Variants in CDH13 observed in about 807,000 individuals in gnomAD.
CDH13 encodes the protein cadherin 13.
In CDH13, 24 loss-of-function variants were observed where a neutral mutation model predicts 63.8. The ratio of observed to expected loss-of-function variants is 0.38; its 90% CI spans 0.27 to 0.53. The LOEUF is 0.53. CDH13 is among the 20% of genes least tolerant of loss of function. The pLI is 0.85. For synonymous variants in CDH13, 503 were observed against 355.3 expected (o/e 1.42, Z -4.67); for missense variants, 1,049 against 903.1 (o/e 1.16, Z -2.07).
intron 6 of CDH13, among the ~76,000 whole-genome samples, chr16:83,435,113 C>G (rs2074936523): frequency 6.6e-6 from 1 of 151,622 alleles, no homozygotes; most frequent in Non-Finnish European, 1.5e-5. Flanking sequence ...ACGGCACAAT[C>G]TCGGCTTACT....
chr16:82,955,125 C>T (rs531420218), intron 2 of CDH13, among the ~76,000 whole-genome samples: 112 of 152,260 alleles, frequency 7.4e-4, no homozygotes, highest in Admixed American at 1.2e-3. Context: ...GGATATGCAC[C>T]TACCTAGGAT....
chr16:83,656,500 G>A (rs1322125755), intron 8 of CDH13, among the ~76,000 whole-genome samples: 1 of 152,140 alleles, frequency 6.6e-6, no homozygotes, highest in East Asian at 1.9e-4. Flanking sequence ...TCAGTAGAGA[G>A]GCAGGGCATG....
chr16:82,884,319 C>A, intron 2 of CDH13: 1 of 420,312 alleles, frequency 2.4e-6, no homozygotes, highest in Non-Finnish European at 4.7e-6. Flanking sequence ...AAGGAGGCAA[C>A]CTGGGGAGGG....
intron 8 of CDH13, among the ~76,000 whole-genome samples, chr16:83,625,743 G>GC (rs1161934153): frequency 1.3e-5 from 2 of 152,182 alleles, no homozygotes; most frequent in Non-Finnish European, 2.9e-5. Context: ...AGAAGGGGCA[G>GC]CCCCCACCCC....
At chr16:83,741,781 C>T (rs1043449063) in intron 10 of CDH13, among the ~76,000 whole-genome samples, 4 of 152,114 alleles carry the variant, frequency 2.6e-5, no homozygotes, top group Non-Finnish European at 5.9e-5. Flanking sequence ...GGGTCCCCTA[C>T]ATCAGGGGTC....
At chr16:82,893,863 C>A (rs552882970) in intron 2 of CDH13, among the ~76,000 whole-genome samples, 21 of 152,224 alleles carry the variant, frequency 1.4e-4, no homozygotes, top group African/African-American at 4.8e-4. Flanking sequence ...ACTGCATGAA[C>A]CTCCTTCCTT....
chr16:82,895,521 A>G (rs1384309896), intron 2 of CDH13, among the ~76,000 whole-genome samples: 2 of 152,188 alleles, frequency 1.3e-5, no homozygotes, highest in Non-Finnish European at 1.5e-5. Context: ...ACATTGACAC[A>G]CAATTACCAA....
chr16:82,738,942 C>G (rs1198495172), intron 1 of CDH13, among the ~76,000 whole-genome samples: 3 of 152,220 alleles, frequency 2.0e-5, no homozygotes, highest in Non-Finnish European at 2.9e-5. Context: ...TCACACATCA[C>G]AGACTTTCCA....
At chr16:83,012,450 T>C (rs571104134) in intron 2 of CDH13, among the ~76,000 whole-genome samples, 7 of 152,176 alleles carry the variant, frequency 4.6e-5, no homozygotes, top group African/African-American at 7.2e-5. Context: ...GGCTATGTAA[T>C]TCCCATTTCA....
chr16:83,314,099 A>T (rs529231590), intron 5 of CDH13, among the ~76,000 whole-genome samples: 1 of 152,194 alleles, frequency 6.6e-6, no homozygotes, highest in African/African-American at 2.4e-5. Context: ...GTTGTCTAGC[A>T]TTGCTCTAAT....
chr16:83,383,928 G>C (rs2091620935), intron 6 of CDH13, among the ~76,000 whole-genome samples: 1 of 152,108 alleles, frequency 6.6e-6, no homozygotes, highest in East Asian at 1.9e-4. Context: ...AGCAGACAGA[G>C]CAATGATACA....
At position 82,914,440 on chromosome 16, in the gene CDH13, T is replaced by C. The variant is rs541229866; in HGVS notation, c.157+55967T>C. Among the ~76,000 whole-genome samples, 17 of 152,244 alleles carry C rather than the reference T, an allele frequency of 1.1e-4. 2 individuals carry two copies. Among genetic ancestry groups the C allele is most frequent in the African/African-American group, 4.1e-4 (17 of 41,548 alleles). ...TTTCTATTGTCTCATGACTAGTAAA[T>C]AGTGGAATAGGCCAGTTTTGTTTTT... On this transcript the variant is annotated intron_variant, in intron 2 of 13. Coordinates refer to ENST00000567109, the MANE Select transcript of CDH13 (RefSeq NM_001257.5).
At chr16:83,481,797 G>T (rs572761348) in intron 6 of CDH13, among the ~76,000 whole-genome samples, 9 of 152,288 alleles carry the variant, frequency 5.9e-5, no homozygotes, top group Admixed American at 5.9e-4. Context: ...AGACAGAAAT[G>T]TACTGTGTGG....
intron 6 of CDH13, among the ~76,000 whole-genome samples, chr16:83,364,921 C>T (rs554424920): frequency 7.9e-5 from 12 of 152,044 alleles, no homozygotes; most frequent in South Asian, 2.1e-4. Flanking sequence ...GGTAGGTAAG[C>T]GGCAAAAGGA....
intron 2 of CDH13, among the ~76,000 whole-genome samples, chr16:82,900,036 C>G (rs961825949): frequency 2.0e-5 from 3 of 151,364 alleles, no homozygotes; most frequent in African/African-American, 7.3e-5. Context: ...ATCTTGATTG[C>G]TCTCTCTCTC....
chr16:83,509,315 C>G (rs1436218807), intron 7 of CDH13, among the ~76,000 whole-genome samples: 3 of 152,176 alleles, frequency 2.0e-5, no homozygotes, highest in Admixed American at 2.0e-4. Context: ...GGAAGATGCC[C>G]AGGTATGGGA....
At chr16:83,041,086 G>T (rs185465579) in intron 3 of CDH13, among the ~76,000 whole-genome samples, 100 of 152,202 alleles carry the variant, frequency 6.6e-4, no homozygotes, top group African/African-American at 2.3e-3. Context: ...CAAAAGACCT[G>T]GCAGTATTTA....
chr16:82,663,657 A>G (rs1912244361), intron 1 of CDH13, among the ~76,000 whole-genome samples: 1 of 152,196 alleles, frequency 6.6e-6, no homozygotes, highest in South Asian at 2.1e-4. Flanking sequence ...TCTCTTGTGA[A>G]GATCCCTTGT....
At chr16:82,734,056 C>T (rs965929398) in intron 1 of CDH13, among the ~76,000 whole-genome samples, 1 of 152,064 alleles carries the variant, frequency 6.6e-6, no homozygotes, top group African/African-American at 2.4e-5. Flanking sequence ...AATATTGGAG[C>T]TGGGATTTCA....
Sources: gnomAD v4.1 joint callset for allele counts (sites outside exome capture counted in the v4.1 genomes callset) on GRCh38, gnomAD v4.1.1 for gene constraint, MANE v1.5 for transcripts, NCBI Gene and HGNC (gene_info 2026-07-23, HGNC 2026-07-21) for gene names.